MKX: variants seen among roughly 807,000 people sequenced by gnomAD.
MKX encodes the protein mohawk homeobox, also known as homeobox protein Mohawk.
MKX carries 13 observed loss-of-function variants against 36.0 expected under a neutral mutation model. The ratio of observed to expected loss-of-function variants is 0.36; its 90% CI spans 0.24 to 0.57. The LOEUF (loss-of-function observed/expected upper bound fraction) is 0.57, where lower values mean the gene tolerates loss of function less well. Among genes scored for constraint, MKX ranks in the 20% least tolerant of loss-of-function variants. MKX has a pLI of 0.79. For synonymous variants in MKX, 176 were observed against 178.3 expected (o/e 0.99, Z 0.10); for missense variants, 458 against 456.4 (o/e 1.00, Z -0.03).
chr10:27,682,413 T>TA (rs1304985801), intron 5 of MKX, among the ~76,000 whole-genome samples: 48 of 152,204 alleles, frequency 3.2e-4, no homozygotes, highest in Admixed American at 3.1e-3. Context: ...AAGTCTACAG[T>TA]AATGTAGAGT....
chr10:27,741,572 C>G lies in MKX; in HGVS notation c.189-68G>C. 1.1e-5 allele frequency: 16 copies of G among 1,476,498 alleles called. No individual in the cohort carries two copies. Among genetic ancestry groups the G allele is most frequent in the South Asian group, 1.4e-5 (1 of 72,122 alleles). The allele number at this position is 1,476,498 out of a possible 1,614,324, so 91.5% of individuals were successfully genotyped here. A position where few individuals can be genotyped will look rare whatever the true frequency, so the allele number is the denominator to read the frequency against. On this transcript the variant is annotated intron_variant, in intron 2 of 6. Coordinates refer to ENST00000419761, the MANE Select transcript of MKX (RefSeq NM_173576.3). The surrounding 1 kb of genome is among the most constrained non-coding windows in gnomAD (Gnocchi z 5.1). Reference sequence around the variant, plus strand: ...TTGCCCGCCCGGACGCTCCACGCCCCGGCCAAGCCCGGGCCCCGCATCCAA... The same window carrying G: ...TTGCCCGCCCGGACGCTCCACGCCCGGGCCAAGCCCGGGCCCCGCATCCAA...
chr10:27,735,524 T>C (rs1320404676), intron 3 of MKX, 150 bp from the exon 4 acceptor site: 2 of 594,476 alleles, frequency 3.4e-6, no homozygotes, highest in African/African-American at 1.9e-5. Flanking sequence ...CATCCATTCA[T>C]TCATTTGACA....
At chr10:27,705,008 G>A (rs1317916389) in intron 5 of MKX, among the ~76,000 whole-genome samples, 1 of 152,094 alleles carries the variant, frequency 6.6e-6, no homozygotes, top group Admixed American at 6.5e-5. Flanking sequence ...ATCCATCAGA[G>A]TCCGTATCAA....
In MKX at chr10:27,713,477, C is replaced by T. The variant is rs79453251; in HGVS notation, c.838+20979G>A. ...ATTTTTTTATTTTGAGTTGACTTAA[C>T]CAGGATGGAAAACACAGTAAAATCA... On this transcript the variant is annotated intron_variant, in intron 5 of 6. Transcript: ENST00000419761. Among the ~76,000 whole-genome samples the T allele has an allele frequency of 2.6e-5, 4 of 152,174 alleles. No homozygotes were observed. In the East Asian group the frequency reaches 7.7e-4, roughly 29 times the overall value.
intron 5 of MKX, among the ~76,000 whole-genome samples, chr10:27,731,867 T>C (rs1194821481): frequency 2.6e-5 from 4 of 152,196 alleles, no homozygotes; most frequent in Admixed American, 1.3e-4. Context: ...CTCACCACAC[T>C]GGGAAAATTG....
At position 27,735,211 on chromosome 10, in the gene MKX, A is replaced by G; in HGVS notation, c.502+10T>C. ...AAAACAAAGAAAGCAAAATAAAAAT[A>G]TTAACAAACCTTCAGAACATGAGTC... On this transcript the variant is annotated intron_variant, in intron 4 of 6. Coordinates refer to ENST00000419761, the MANE Select transcript of MKX (RefSeq NM_173576.3). 2 of 1,532,662 alleles carry G rather than the reference A, an allele frequency of 1.3e-6. No individual in the cohort carries two copies. Among genetic ancestry groups the G allele is most frequent in the Non-Finnish European group, 1.8e-6 (2 of 1,141,352 alleles). 94.9% of individuals were successfully genotyped at this position (1,532,662 alleles called of 1,614,324 possible). A position where few individuals can be genotyped will look rare whatever the true frequency, so the allele number is the denominator to read the frequency against.
chr10:27,689,674 T>G (rs1303902575), intron 5 of MKX, among the ~76,000 whole-genome samples: 1 of 152,132 alleles, frequency 6.6e-6, no homozygotes, highest in Non-Finnish European at 1.5e-5. Context: ...AGTCCTCCCA[T>G]GACCCCTTTT....
intron 5 of MKX, among the ~76,000 whole-genome samples, chr10:27,678,615 A>G (rs1836197203): frequency 6.6e-6 from 1 of 152,212 alleles, no homozygotes; most frequent in African/African-American, 2.4e-5. Flanking sequence ...CAAATATGTT[A>G]TGGGTTGCAG....
chr10:27,716,130 T>C (rs1308049800), intron 5 of MKX, among the ~76,000 whole-genome samples: 3 of 152,174 alleles, frequency 2.0e-5, no homozygotes, highest in African/African-American at 7.2e-5. Context: ...AGGATAGTAA[T>C]ATGTACATCA....
In MKX at chr10:27,674,495, C is replaced by T. The variant is rs1437021096; in HGVS notation, c.*734G>A. The T allele has an allele frequency of 6.6e-6, 1 of 152,210 alleles. No homozygotes were observed. The allele number at this position is 152,210 out of a possible 1,614,324, so 9.4% of individuals were successfully genotyped here. ...TTAAACTTCAGCAGAACTTGAGAAA[C>T]AAATCCAGATTAATTCTAAAGGGCT... is the stretch of plus-strand genomic sequence containing the variant. On this transcript the variant is annotated 3_prime_UTR_variant, in exon 7 of 7. Transcript: ENST00000419761.
At position 27,735,134 on chromosome 10, in the gene MKX, T is replaced by A. The variant is rs551887189; in HGVS notation, c.502+87A>T. On this transcript the variant is annotated intron_variant, in intron 4 of 6. Coordinates refer to ENST00000419761, the MANE Select transcript of MKX (RefSeq NM_173576.3). ...AGAACCGTTAAGGCACCATCATATT[T>A]TGTGAGAGCAACCTTAAAAATAGCA... 3.8e-6 allele frequency: 5 copies of A among 1,304,454 alleles called. No individual in the cohort carries two copies. In the African/African-American group the frequency reaches 7.5e-5, roughly 20 times the overall value. 80.8% of individuals were successfully genotyped at this position (1,304,454 alleles called of 1,614,324 possible).
Position 27,742,657 on chromosome 10 carries a change from C to T in MKX, c.188+571G>A, listed in dbSNP as rs1289148077. ...CCCCTCACCCCGCTAAACTCAAACC[C>T]GGCCCCGCAGGCCCGGGGCCTCCCC... is the stretch of plus-strand genomic sequence containing the variant. On this transcript the variant is annotated intron_variant, in intron 2 of 6. Coordinates refer to ENST00000419761, the MANE Select transcript of MKX (RefSeq NM_173576.3). This position sits in a 1 kb window ranked among gnomAD's most constrained non-coding sequence, Gnocchi z 4.2. Among the ~76,000 whole-genome samples, 1 of 151,956 alleles carries T rather than the reference C, an allele frequency of 6.6e-6. No individual in the cohort carries two copies. The highest frequency in any genetic ancestry group is 2.1e-4 in the South Asian group (1 of 4,836).
At chr10:27,718,403 C>G (rs747599792) in intron 5 of MKX, among the ~76,000 whole-genome samples, 1 of 151,930 alleles carries the variant, frequency 6.6e-6, no homozygotes, top group East Asian at 1.9e-4. Flanking sequence ...ACATTTGTAG[C>G]GCTAGCGAAA....
At chr10:27,737,867 A>G (rs1455318628) in intron 3 of MKX, among the ~76,000 whole-genome samples, 1 of 152,252 alleles carries the variant, frequency 6.6e-6, no homozygotes, top group Non-Finnish European at 1.5e-5. Context: ...GTAAAATCCA[A>G]TTCTTATGAA....
At chr10:27,723,030 A>G in intron 5 of MKX, among the ~76,000 whole-genome samples, 1 of 152,200 alleles carries the variant, frequency 6.6e-6, no homozygotes, top group East Asian at 1.9e-4. Context: ...TATTGTAACT[A>G]TAAACTAAAT....
intron 5 of MKX, among the ~76,000 whole-genome samples, chr10:27,714,079 C>T (rs1485978388): frequency 6.9e-6 from 1 of 145,468 alleles, no homozygotes; most frequent in African/African-American, 2.5e-5. Context: ...GACATTTGAT[C>T]TGACACAGGG....
At chr10:27,730,459 CTTT>C (rs11479538) in intron 5 of MKX, among the ~76,000 whole-genome samples, 3 of 134,610 alleles carry the variant, frequency 2.2e-5, no homozygotes, top group African/African-American at 2.7e-5. Flanking sequence ...TTTCAACTGG[CTTT>C]TTTTTTTTTT....
chr10:27,734,316 C>T lies in MKX; in HGVS notation c.838+140G>A, dbSNP rs944970113. On this transcript the variant is annotated intron_variant, in intron 5 of 6. Coordinates refer to ENST00000419761, the MANE Select transcript of MKX (RefSeq NM_173576.3). Reference sequence around the variant, plus strand: ...TATCCATTGGCAATTCTAAACAAAACGAAAGCTTTAAAACTGAATTATGGG... The same window carrying T: ...TATCCATTGGCAATTCTAAACAAAATGAAAGCTTTAAAACTGAATTATGGG... 3.8e-5 allele frequency: 28 copies of T among 731,700 alleles called. 1 individual carries two copies. Among genetic ancestry groups the T allele is most frequent in the South Asian group, 1.9e-4 (8 of 41,342 alleles). The allele number at this position is 731,700 out of a possible 1,614,324, so 45.3% of individuals were successfully genotyped here.
chr10:27,727,470 A>C (rs1334585433), intron 5 of MKX, among the ~76,000 whole-genome samples: 2 of 152,278 alleles, frequency 1.3e-5, no homozygotes, highest in Non-Finnish European at 1.5e-5. Context: ...GAAGCCAGAA[A>C]GAAATGTAAT....
Sources: gnomAD v4.1 joint callset for allele counts (sites outside exome capture counted in the v4.1 genomes callset) on GRCh38, gnomAD v4.1.1 for gene constraint, Gnocchi (gnomAD v3.1) non-coding constraint, MANE v1.5 for transcripts, NCBI Gene and HGNC (gene_info 2026-07-23, HGNC 2026-07-21) for gene names.